NEK10: variants seen among roughly 807,000 people sequenced by gnomAD.
NEK10 encodes serine/threonine-protein kinase Nek10.
A neutral mutation model predicts 159.8 loss-of-function variants in NEK10; 122 were observed. That is an observed-to-expected ratio of 0.76 (90% CI 0.66 to 0.89). NEK10 has a LOEUF of 0.89. Ranked by LOEUF, NEK10 falls within the 40% of genes least tolerant of loss-of-function variation. NEK10 has a pLI of 0.00. For synonymous variants in NEK10, 466 were observed against 457.1 expected (o/e 1.02, Z -0.25); for missense variants, 1,342 against 1,323.1 (o/e 1.01, Z -0.22).
chr3:27,262,359 C>G (rs1013960929), intron 22 of NEK10, among the ~76,000 whole-genome samples: 2 of 152,068 alleles, frequency 1.3e-5, no homozygotes, highest in African/African-American at 4.8e-5. Flanking sequence ...TCTGTATTTC[C>G]TGAATTTAAA....
chr3:27,327,491 C>T (rs1297964290), intron 5 of NEK10, among the ~76,000 whole-genome samples: 1 of 152,140 alleles, frequency 6.6e-6, no homozygotes, highest in East Asian at 1.9e-4. Flanking sequence ...GCATCAGGTG[C>T]CATCTTCTGC....
At chr3:27,262,231 G>C (rs2040478682) in intron 22 of NEK10, among the ~76,000 whole-genome samples, 1 of 152,150 alleles carries the variant, frequency 6.6e-6, no homozygotes. Flanking sequence ...CCCTTTGTGG[G>C]TAACCTGACC....
chr3:27,234,463 C>A (rs1057270835), intron 23 of NEK10, among the ~76,000 whole-genome samples: 1 of 152,014 alleles, frequency 6.6e-6, no homozygotes, highest in Non-Finnish European at 1.5e-5. Flanking sequence ...TTCCTATACA[C>A]CAACAACAAT....
chr3:27,292,767 CA>C (rs35773318), intron 16 of NEK10, among the ~76,000 whole-genome samples: 1,073 of 88,382 alleles, frequency 0.012, 6 homozygotes, highest in African/African-American at 0.021. Flanking sequence ...GAGCCTTTGT[CA>C]AAAAAAAAAA....
At chr3:27,205,256 CA>C (rs2149063806) in intron 23 of NEK10, among the ~76,000 whole-genome samples, 1 of 147,720 alleles carries the variant, frequency 6.8e-6, no homozygotes, top group Non-Finnish European at 1.5e-5. Context: ...TAGGAAGAAT[CA>C]ATATCGTGAA....
chr3:27,209,361 T>C (rs780934975), intron 23 of NEK10, among the ~76,000 whole-genome samples: 6 of 152,214 alleles, frequency 3.9e-5, no homozygotes, highest in Non-Finnish European at 8.8e-5. Flanking sequence ...ACACTATCTA[T>C]GGTTTTCTGC....
rs1334996282 is a variant in NEK10, at chr3:27,295,667, T to G, written c.1254A>C (p.Ala418=). The G allele has an allele frequency of 6.4e-7, 1 of 1,567,022 alleles. No homozygotes were observed. The highest frequency in any genetic ancestry group is 1.2e-5 in the South Asian group (1 of 85,684). ...VVQENGVYTI[A]KLILPNKQKN... ...TTTGCTTATTTGGTAAAATTAATTT[T>G]GCTATTGTATATACACCATTTTCCT... The change falls in exon 15 of 36, where the codon GCA becomes GCC. Residue 418 remains alanine (A), a synonymous_variant. Coordinates refer to ENST00000691995, the MANE Select transcript of NEK10 (RefSeq NM_001394966.1).
intron 32 of NEK10, among the ~76,000 whole-genome samples, chr3:27,128,865 T>C (rs1942285026): frequency 6.6e-6 from 1 of 152,144 alleles, no homozygotes; most frequent in Non-Finnish European, 1.5e-5. Flanking sequence ...GTTCCTGCTC[T>C]AGACCAAAAT....
rs745562789 is a variant in NEK10 at position 27,174,739 on chromosome 3, C to A, written c.2600G>T (p.Gly867Val). ...LSESADLPPE[G>V]FQASYGKDED... ...GTCTTTACCATAGGAGGCCTGGAAG[C>A]CTTCAGGGGGCAGGTCTGCGCTTTC... is the stretch of plus-strand genomic sequence containing the variant. The change falls in exon 27 of 36, where the codon GGC (glycine) becomes GTC (valine). Residue 867 changes from glycine to valine, a missense_variant. By Grantham distance (109) the Gly-to-Val change is moderately radical. Coordinates refer to ENST00000691995, the MANE Select transcript of NEK10 (RefSeq NM_001394966.1). 2.5e-6 allele frequency: 4 copies of A among 1,613,710 alleles called. No homozygotes were observed. Among genetic ancestry groups the A allele is most frequent in the East Asian group, 2.2e-5 (1 of 44,854 alleles).
chr3:27,360,716 T>C (rs2048626256), intron 1 of NEK10, among the ~76,000 whole-genome samples: 1 of 152,200 alleles, frequency 6.6e-6, no homozygotes, highest in South Asian at 2.1e-4. Context: ...CATTCATTCA[T>C]CCTGGTTCAC....
In NEK10 at chr3:27,308,937, A is replaced by C. The variant is rs768498024; in HGVS notation, c.705T>G (p.Ser235Arg). 4.4e-6 allele frequency: 7 copies of C among 1,582,476 alleles called. No individual in the cohort carries two copies. In the African/African-American group the frequency reaches 9.4e-5, roughly 21 times the overall value. Reference sequence around the variant, plus strand: ...AATACACTACTTACCTTTCTGCTAAACTAGCCAGAGCCAGAAGGGAACCCA... The same window carrying C: ...AATACACTACTTACCTTTCTGCTAACCTAGCCAGAGCCAGAAGGGAACCCA... ...VLLGSLLALA[S>R]LAESQECREK... Residue 235 changes from serine to arginine, a missense_variant, in exon 10 of 36, where the codon AGT (serine) becomes AGG (arginine). By Grantham distance (110) the Ser-to-Arg change is moderately radical. Coordinates refer to ENST00000691995, the MANE Select transcript of NEK10 (RefSeq NM_001394966.1).
In NEK10 at chr3:27,314,356, AC is replaced by A. The variant is rs1244830223; in HGVS notation, c.448-19del. ...AGTATTTCCTAATAAAATAAAAGCA[AC>A]AAAACACATGTAAATGATGAGGGTG... is the stretch of plus-strand genomic sequence containing the variant. On this transcript the variant is annotated intron_variant, in intron 6 of 35. Coordinates refer to ENST00000691995, the MANE Select transcript of NEK10 (RefSeq NM_001394966.1). 6.5e-7 allele frequency: 1 copy of A among 1,545,488 alleles called. No individual in the cohort carries two copies. The highest frequency in any genetic ancestry group is 1.4e-5 in the African/African-American group (1 of 73,700).
chr3:27,245,564 T>C (rs1954974094), intron 23 of NEK10, among the ~76,000 whole-genome samples: 1 of 152,208 alleles, frequency 6.6e-6, no homozygotes, highest in South Asian at 2.1e-4. Flanking sequence ...TGAAGCCATC[T>C]TGGACTGCCC....
chr3:27,179,685 A>C (rs1047355801), intron 26 of NEK10, among the ~76,000 whole-genome samples: 1 of 152,246 alleles, frequency 6.6e-6, no homozygotes, highest in Non-Finnish European at 1.5e-5. Context: ...TGTTTTTCCA[A>C]GACAGCAGAC....
chr3:27,116,369 G>A (rs1940433565), intron 33 of NEK10, among the ~76,000 whole-genome samples: 1 of 152,048 alleles, frequency 6.6e-6, no homozygotes, highest in African/African-American at 2.4e-5. Flanking sequence ...AGATTAAGGG[G>A]CATTGCTCAT....
chr3:27,365,503 T>C (rs1459634325), intron 1 of NEK10, among the ~76,000 whole-genome samples: 2 of 151,972 alleles, frequency 1.3e-5, no homozygotes, highest in Non-Finnish European at 2.9e-5. Flanking sequence ...ATGAGGGGAG[T>C]TTGACCTATA....
chr3:27,266,546 A>G (rs996909268), intron 22 of NEK10, among the ~76,000 whole-genome samples: 3 of 152,182 alleles, frequency 2.0e-5, no homozygotes. Flanking sequence ...AGAATTCTCA[A>G]TCTTAACCCA....
chr3:27,232,017 G>A (rs1398502011), intron 23 of NEK10, among the ~76,000 whole-genome samples: 1 of 151,628 alleles, frequency 6.6e-6, no homozygotes, highest in South Asian at 2.1e-4. Flanking sequence ...ACAAAAACCA[G>A]GAAAGGACAT....
chr3:27,281,876 A>G (rs1237389916), intron 22 of NEK10, among the ~76,000 whole-genome samples: 1 of 152,164 alleles, frequency 6.6e-6, no homozygotes, highest in Non-Finnish European at 1.5e-5. Flanking sequence ...ATGTTTGACC[A>G]TGTGGAAAAT....
Sources: allele counts gnomAD v4.1 joint callset (sites outside exome capture counted in the v4.1 genomes callset), GRCh38; gene constraint gnomAD v4.1.1; transcripts MANE v1.5; gene names NCBI Gene and HGNC (gene_info 2026-07-23, HGNC 2026-07-21).